Variants in TAFA2 observed in about 807,000 individuals in gnomAD.
The protein encoded by TAFA2 is TAFA chemokine like family member 2.
A neutral mutation model predicts 18.8 loss-of-function variants in TAFA2; 7 were observed. The observed-to-expected ratio is 0.37, with a 90% CI of 0.21 to 0.70. The LOEUF is 0.70. Among genes scored for constraint, TAFA2 ranks in the 30% least tolerant of loss-of-function variants. TAFA2 has a pLI of 0.53. For synonymous variants in TAFA2, 60 were observed against 54.2 expected (o/e 1.11, Z -0.47); for missense variants, 122 against 158.1 (o/e 0.77, Z 1.23).
chr12:62,180,264 C>T (rs1452459840), intron 1 of TAFA2, among the ~76,000 whole-genome samples: 2 of 152,066 alleles, frequency 1.3e-5, no homozygotes, highest in African/African-American at 2.4e-5. Context: ...TAAGTACCAC[C>T]GTAGCCATAG....
intron 1 of TAFA2, among the ~76,000 whole-genome samples, chr12:62,087,639 G>A (rs994919884): frequency 2.0e-5 from 3 of 152,164 alleles, no homozygotes; most frequent in African/African-American, 7.2e-5. Context: ...ACAAGGGATA[G>A]GTAAGATGTG....
intron 2 of TAFA2, among the ~76,000 whole-genome samples, chr12:61,761,576 T>C (rs952220183): frequency 6.6e-6 from 1 of 152,064 alleles, no homozygotes; most frequent in Non-Finnish European, 1.5e-5. Flanking sequence ...TTGCTAACAT[T>C]GACTGAATAT....
chr12:62,184,124 G>C (rs1224530203), intron 1 of TAFA2, among the ~76,000 whole-genome samples: 1 of 152,080 alleles, frequency 6.6e-6, no homozygotes, highest in Non-Finnish European at 1.5e-5. Context: ...CAAAGCTGAA[G>C]AACCCAAATA....
chr12:61,850,075 G>C (rs1873578566), intron 2 of TAFA2, among the ~76,000 whole-genome samples: 1 of 152,066 alleles, frequency 6.6e-6, no homozygotes. Context: ...GTGAGAACTG[G>C]TTCATAAAAG....
At chr12:62,017,956 T>A (rs1880994999) in intron 1 of TAFA2, among the ~76,000 whole-genome samples, 1 of 152,202 alleles carries the variant, frequency 6.6e-6, no homozygotes, top group African/African-American at 2.4e-5. Context: ...TCATCTCCCA[T>A]GGCAATGTGC....
At chr12:62,015,222 AGCTT>A (rs1285762626) in intron 1 of TAFA2, among the ~76,000 whole-genome samples, 1 of 152,188 alleles carries the variant, frequency 6.6e-6, no homozygotes, top group Admixed American at 6.5e-5. Context: ...CACTTTTTAT[AGCTT>A]GGGTTCTTCA....
At chr12:61,910,859 C>A (rs1876580468) in intron 1 of TAFA2, among the ~76,000 whole-genome samples, 1 of 152,204 alleles carries the variant, frequency 6.6e-6, no homozygotes, top group South Asian at 2.1e-4. Flanking sequence ...CAATTCCGAA[C>A]CATCTGTGTT....
At chr12:61,901,257 C>A (rs1876086303) in intron 1 of TAFA2, among the ~76,000 whole-genome samples, 1 of 26,218 alleles carries the variant, frequency 3.8e-5, no homozygotes, top group African/African-American at 4.1e-4. Flanking sequence ...TCTTCAATTT[C>A]ACTTTTTTTT....
chr12:61,801,775 A>C (rs1871407001), intron 2 of TAFA2, among the ~76,000 whole-genome samples: 1 of 152,076 alleles, frequency 6.6e-6, no homozygotes, highest in South Asian at 2.1e-4. Flanking sequence ...ATATCAAACT[A>C]AAATGGCTCT....
intron 2 of TAFA2, among the ~76,000 whole-genome samples, chr12:61,858,821 T>C (rs957133042): frequency 3.3e-5 from 5 of 152,274 alleles, no homozygotes; most frequent in African/African-American, 9.6e-5. Flanking sequence ...CACAGCAGCA[T>C]TGTCAATAAC....
intron 1 of TAFA2, among the ~76,000 whole-genome samples, chr12:62,138,819 A>G (rs1364010124): frequency 6.6e-6 from 1 of 152,204 alleles, no homozygotes; most frequent in Non-Finnish European, 1.5e-5. Flanking sequence ...AAATCAATGG[A>G]AACAGAAACG....
intron 4 of TAFA2, among the ~76,000 whole-genome samples, chr12:61,723,489 G>C (rs1870000292): frequency 6.6e-6 from 1 of 152,046 alleles, no homozygotes; most frequent in Non-Finnish European, 1.5e-5. Flanking sequence ...ACAGCAAGGG[G>C]GGTGATTAGG....
At chr12:62,129,790 A>G (rs1435085633) in intron 1 of TAFA2, among the ~76,000 whole-genome samples, 1 of 151,878 alleles carries the variant, frequency 6.6e-6, no homozygotes, top group African/African-American at 2.4e-5. Flanking sequence ...TCTTCCTTTC[A>G]TCCCCAGGAC....
chr12:61,966,640 G>A (rs890137960), intron 1 of TAFA2, among the ~76,000 whole-genome samples: 20 of 151,880 alleles, frequency 1.3e-4, no homozygotes, highest in African/African-American at 4.8e-4. Flanking sequence ...CATCAAGTCT[G>A]TGGCTGAGCA....
chr12:61,874,596 T>C (rs970520914), intron 1 of TAFA2, among the ~76,000 whole-genome samples: 4 of 152,186 alleles, frequency 2.6e-5, no homozygotes, highest in African/African-American at 9.6e-5. Flanking sequence ...TAGCCATGTA[T>C]AGTCAAATTG....
At chr12:61,801,943 T>A (rs1195654673) in intron 2 of TAFA2, among the ~76,000 whole-genome samples, 2 of 151,950 alleles carry the variant, frequency 1.3e-5, no homozygotes, top group Non-Finnish European at 2.9e-5. Flanking sequence ...AACTTAAAAA[T>A]GGGCAAAGGA....
intron 1 of TAFA2, among the ~76,000 whole-genome samples, chr12:62,247,671 T>C (rs980488376): frequency 5.9e-5 from 9 of 152,176 alleles, no homozygotes; most frequent in Non-Finnish European, 1.0e-4. Context: ...ATTTTTTCCT[T>C]TTACCAGGCC....
At chr12:61,827,600 T>C (rs1210378048) in intron 2 of TAFA2, among the ~76,000 whole-genome samples, 2 of 151,940 alleles carry the variant, frequency 1.3e-5, no homozygotes, top group Non-Finnish European at 2.9e-5. Flanking sequence ...TAGTCATGAA[T>C]AAAGGAGATA....
At chr12:62,030,925 G>A (rs1231449728) in intron 1 of TAFA2, among the ~76,000 whole-genome samples, 6 of 152,092 alleles carry the variant, frequency 3.9e-5, no homozygotes, top group East Asian at 1.9e-4. Flanking sequence ...AATGATGCAC[G>A]CAGAAGTTAT....
Sources: gnomAD v4.1 joint callset for allele counts (sites outside exome capture counted in the v4.1 genomes callset) on GRCh38, gnomAD v4.1.1 for gene constraint, MANE v1.5 for transcripts, NCBI Gene and HGNC (gene_info 2026-07-23, HGNC 2026-07-21) for gene names.